FAM124B: variants seen among roughly 807,000 people sequenced by gnomAD.
FAM124B encodes the protein family with sequence similarity 124 member B, also known as protein FAM124B.
Under a neutral mutation model 19.7 loss-of-function variants are expected in FAM124B, and 18 were observed. The ratio of observed to expected loss-of-function variants is 0.92; its 90% CI spans 0.63 to 1.36. The LOEUF is 1.36. FAM124B is among the 40% of genes most tolerant of loss of function. The pLI is 0.00. For synonymous variants in FAM124B, 223 were observed against 225.2 expected (o/e 0.99, Z 0.09); for missense variants, 540 against 553.3 (o/e 0.98, Z 0.24).
Position 224,385,051 on chromosome 2 carries a change from T to C in FAM124B, c.733-4843A>G, listed in dbSNP as rs140243224. On this transcript the variant is annotated intron_variant, in intron 1 of 1. Transcript: ENST00000409685. ...GTCCTCCCCTTCACTGTCAAACCTG[T>C]ATATAAAATTTGTGTAGTTATGTTT... Among the ~76,000 whole-genome samples, 382 of 152,316 alleles carry C rather than the reference T, an allele frequency of 2.5e-3. 4 individuals carry two copies. The highest frequency in any genetic ancestry group is 8.8e-3 in the African/African-American group (364 of 41,572).
intron 1 of FAM124B, among the ~76,000 whole-genome samples, chr2:224,392,060 T>G (rs745699227): frequency 3.3e-5 from 5 of 152,210 alleles, no homozygotes; most frequent in Non-Finnish European, 5.9e-5. Flanking sequence ...AATATTAAAA[T>G]CTCTTCAACT....
intron 1 of FAM124B, among the ~76,000 whole-genome samples, chr2:224,399,343 T>C (rs1690025398): frequency 6.6e-6 from 1 of 152,228 alleles, no homozygotes; most frequent in Admixed American, 6.5e-5. Flanking sequence ...AATAGGCAAC[T>C]AACAGAAACA....
intron 1 of FAM124B, among the ~76,000 whole-genome samples, chr2:224,396,579 T>G (rs1689973656): frequency 6.6e-6 from 1 of 152,226 alleles, no homozygotes; most frequent in African/African-American, 2.4e-5. Flanking sequence ...GGGACCACTC[T>G]GTATTTGTCT....
At position 224,379,558 on chromosome 2, in the gene FAM124B, C is replaced by G. The variant is rs1689677630; in HGVS notation, c.*15G>C. On this transcript the variant is annotated 3_prime_UTR_variant, in exon 2 of 2. Coordinates refer to ENST00000409685, the MANE Select transcript of FAM124B (RefSeq NM_001122779.2). ...TATCTGATCTTGTGTTTTAGAAAAC[C>G]ACATTTATTTTATGCTATATAAAGA... 5 of 1,504,838 alleles carry G rather than the reference C, an allele frequency of 3.3e-6. No individual in the cohort carries two copies. The South Asian group carries it at 6.6e-5, about 20-fold the overall frequency. The allele number at this position is 1,504,838 out of a possible 1,614,324, so 93.2% of individuals were successfully genotyped here.
At chr2:224,394,134 G>A (rs936458824) in intron 1 of FAM124B, among the ~76,000 whole-genome samples, 5 of 152,100 alleles carry the variant, frequency 3.3e-5, no homozygotes, top group African/African-American at 9.7e-5. Flanking sequence ...TCTTCTCAGC[G>A]TCTCTCACTG....
intron 1 of FAM124B, 113 bp downstream of exon 1, chr2:224,400,924 C>A: frequency 7.3e-7 from 1 of 1,374,646 alleles, no homozygotes. Flanking sequence ...ATGAAAGACC[C>A]TAAGGGACGC....
chr2:224,394,233 T>C (rs1689933738), intron 1 of FAM124B, among the ~76,000 whole-genome samples: 1 of 152,110 alleles, frequency 6.6e-6, no homozygotes. Context: ...CTTGGTAATG[T>C]TGATCCTTTC....
At position 224,401,484 on chromosome 2, in the gene FAM124B, C is replaced by G; in HGVS notation, c.285G>C (p.Gln95His). The G allele has an allele frequency of 6.2e-7, 1 of 1,614,142 alleles. No individual in the cohort carries two copies. The highest frequency in any genetic ancestry group is 1.1e-5 in the South Asian group (1 of 91,078). ...CCCGAGTGTCCTGGGTGGGGTAGCA[C>G]TGCCATGGCGAATGCTGGAGAGAGT... is the stretch of plus-strand genomic sequence containing the variant. ...VLDSLQHSPW[Q>H]CYPTQDTRGR... Residue 95 changes from glutamine to histidine, a missense_variant, in exon 1 of 2, where the codon CAG (glutamine) becomes CAC (histidine). By Grantham distance (24) the Gln-to-His change is conservative. Coordinates refer to ENST00000409685, the MANE Select transcript of FAM124B (RefSeq NM_001122779.2).
chr2:224,379,301 T>C lies in FAM124B; in HGVS notation c.*272A>G. The C allele has an allele frequency of 2.6e-6, 1 of 391,690 alleles. No individual in the cohort carries two copies. The highest frequency in any genetic ancestry group is 4.3e-5 in the Admixed American group (1 of 23,128). 24.3% of individuals were successfully genotyped at this position (391,690 alleles called of 1,614,324 possible). A position where few individuals can be genotyped will look rare whatever the true frequency, so the allele number is the denominator to read the frequency against. On this transcript the variant is annotated 3_prime_UTR_variant, in exon 2 of 2. Transcript: ENST00000409685. Reference sequence around the variant, plus strand: ...CCTGATAGGTGCTGGATTCAACACATCCAGCTGGGTTAGTGCATCTCCACG... The same window carrying C: ...CCTGATAGGTGCTGGATTCAACACACCCAGCTGGGTTAGTGCATCTCCACG...
At chr2:224,382,843 G>A (rs1208584785) in intron 1 of FAM124B, among the ~76,000 whole-genome samples, 1 of 152,110 alleles carries the variant, frequency 6.6e-6, no homozygotes, top group Non-Finnish European at 1.5e-5. Flanking sequence ...GGGCTTCACA[G>A]AACCAGCTTG....
intron 1 of FAM124B, among the ~76,000 whole-genome samples, chr2:224,382,662 G>A (rs1434836089): frequency 6.6e-6 from 1 of 152,086 alleles, no homozygotes; most frequent in Non-Finnish European, 1.5e-5. Context: ...ATCCACCTTG[G>A]CCTCCCAAAA....
At chr2:224,392,786 TAA>T (rs1266688409) in intron 1 of FAM124B, among the ~76,000 whole-genome samples, 1 of 147,376 alleles carries the variant, frequency 6.8e-6, no homozygotes, top group Non-Finnish European at 1.5e-5. Context: ...AGATAAGAGA[TAA>T]AGTTTTGTCA....
At chr2:224,382,537 G>C (rs1353865287) in intron 1 of FAM124B, among the ~76,000 whole-genome samples, 1 of 150,654 alleles carries the variant, frequency 6.6e-6, no homozygotes, top group Non-Finnish European at 1.5e-5. Context: ...AGCCTCCCTA[G>C]TAGCTAGGGT....
At chr2:224,394,791 C>G in intron 1 of FAM124B, among the ~76,000 whole-genome samples, 1 of 152,192 alleles carries the variant, frequency 6.6e-6, no homozygotes, top group Non-Finnish European at 1.5e-5. Flanking sequence ...CTCCATGTTA[C>G]TTGACATCCT....
intron 1 of FAM124B, among the ~76,000 whole-genome samples, chr2:224,396,724 C>G (rs189282547): frequency 1.3e-5 from 2 of 152,276 alleles, no homozygotes; most frequent in East Asian, 1.9e-4. Context: ...CTTTCCTGCA[C>G]GTAATAATTG....
intron 1 of FAM124B, among the ~76,000 whole-genome samples, chr2:224,398,373 C>T (rs577722019): frequency 6.6e-6 from 1 of 152,108 alleles, no homozygotes; most frequent in South Asian, 2.1e-4. Context: ...GCTAGTATTA[C>T]AGGCCTGAGC....
intron 1 of FAM124B, chr2:224,400,258 T>G (rs1559312313): frequency 2.1e-6 from 1 of 467,556 alleles, no homozygotes; most frequent in East Asian, 3.2e-5. Flanking sequence ...TAAAGTATAA[T>G]AATAAAGAAT....
chr2:224,384,134 C>T (rs933281246), intron 1 of FAM124B, among the ~76,000 whole-genome samples: 1 of 152,172 alleles, frequency 6.6e-6, no homozygotes, highest in Admixed American at 6.5e-5. Context: ...GCCCAGCTCA[C>T]CCCTCCACTC....
intron 1 of FAM124B, among the ~76,000 whole-genome samples, chr2:224,396,797 T>C (rs115113945): frequency 2.0e-3 from 308 of 152,342 alleles, no homozygotes; most frequent in African/African-American, 7.0e-3. Flanking sequence ...TGTTGCGCCA[T>C]GGTGGGGCAA....
Sources: gnomAD v4.1 joint callset for allele counts (sites outside exome capture counted in the v4.1 genomes callset) on GRCh38, gnomAD v4.1.1 for gene constraint, MANE v1.5 for transcripts, NCBI Gene and HGNC (gene_info 2026-07-23, HGNC 2026-07-21) for gene names.